The following NAALAD2 variants were observed in gnomAD, a reference collection of about 807,000 sequenced individuals.
NAALAD2 encodes the protein N-acetylated-alpha-linked acidic dipeptidase 2.
In NAALAD2, 89 loss-of-function variants were observed where a neutral mutation model predicts 95.6. That is an observed-to-expected ratio of 0.93 (90% CI 0.78 to 1.11). The LOEUF is 1.11. NAALAD2 is among the 50% of genes least tolerant of loss of function. The probability of loss-of-function intolerance (pLI) is 0.00; values close to 1 mark genes in which losing one functional copy is unlikely to be tolerated. For synonymous variants in NAALAD2, 264 were observed against 294.4 expected (o/e 0.90, Z 1.06); for missense variants, 894 against 872.4 (o/e 1.02, Z -0.31).
At chr11:90,158,375 G>A in intron 7 of NAALAD2, 137 bp downstream of exon 7, 1 of 602,738 alleles carries the variant, frequency 1.7e-6, no homozygotes. Flanking sequence ...GAATAACAGA[G>A]TATACTATCT....
At chr11:90,131,745 T>A (rs375601335), upstream of NAALAD2, 1 of 152,176 alleles carries the variant, frequency 6.6e-6, no homozygotes, top group Non-Finnish European at 1.5e-5. Flanking sequence ...GTTACAAAAC[T>A]GCTTCTGCTA....
In NAALAD2 at chr11:90,159,246, G is replaced by A; in HGVS notation, c.898G>A (p.Gly300Arg). 6.2e-7 allele frequency: 1 copy of A among 1,612,136 alleles called. No individual in the cohort carries two copies. Among genetic ancestry groups the A allele is most frequent in the South Asian group, 1.1e-5 (1 of 91,002 alleles). The change falls in exon 8 of 19, where the codon GGA becomes AGA. Residue 300 changes from glycine (G) to arginine (R), a missense_variant. Transcript: ENST00000534061. ...TTCATTTTATTTTGTCAGCTACTTG[G>A]GAGGAATTGCTCCACCAGATAAGAG... Reference protein sequence around the residue: ...NDAEILLRYLGGIAPPDKSWK... With the variant: ...NDAEILLRYLRGIAPPDKSWK...
At chr11:90,176,972 T>C (rs1952809329) in intron 15 of NAALAD2, among the ~76,000 whole-genome samples, 1 of 152,196 alleles carries the variant, frequency 6.6e-6, no homozygotes, top group South Asian at 2.1e-4. Flanking sequence ...CTTCTGTAAT[T>C]TGCTCAAAGT....
intron 16 of NAALAD2, among the ~76,000 whole-genome samples, chr11:90,179,084 G>T (rs1209105002): frequency 1.3e-5 from 2 of 152,174 alleles, no homozygotes; most frequent in Non-Finnish European, 2.9e-5. Flanking sequence ...AGATAAAAAA[G>T]AACATATCAT....
In NAALAD2 at chr11:90,148,990, T is replaced by G; in HGVS notation, c.382-16T>G. On this transcript the variant is annotated splice_polypyrimidine_tract_variant and intron_variant, in intron 3 of 18. Coordinates refer to ENST00000534061, the MANE Select transcript of NAALAD2 (RefSeq NM_005467.4). Reference sequence around the variant, plus strand: ...TCTGGAATTTTTCTAACTTGACATATTTTAATTCTTGCTAGATTTTCAAAA... The same window carrying G: ...TCTGGAATTTTTCTAACTTGACATAGTTTAATTCTTGCTAGATTTTCAAAA... 3 of 1,504,306 alleles carry G rather than the reference T, an allele frequency of 2.0e-6. No homozygotes were observed. The highest frequency in any genetic ancestry group is 2.7e-6 in the Non-Finnish European group (3 of 1,094,386). The allele number at this position is 1,504,306 out of a possible 1,614,324, so 93.2% of individuals were successfully genotyped here. A position where few individuals can be genotyped will look rare whatever the true frequency, so the allele number is the denominator to read the frequency against.
chr11:90,144,027 A>G (rs1270187298), intron 2 of NAALAD2, among the ~76,000 whole-genome samples: 1 of 152,202 alleles, frequency 6.6e-6, no homozygotes, highest in Admixed American at 6.5e-5. Context: ...TCAGATATCA[A>G]GAGATTAGTT....
intron 12 of NAALAD2, chr11:90,169,454 A>T (rs72956852): frequency 0.043 from 6,601 of 153,056 alleles, 176 homozygotes; most frequent in Middle Eastern, 0.12. Context: ...TATTGAATCT[A>T]GCTCAGGATC....
chr11:90,137,003 T>C (rs1294986880), intron 2 of NAALAD2, among the ~76,000 whole-genome samples: 1 of 152,166 alleles, frequency 6.6e-6, no homozygotes, highest in African/African-American at 2.4e-5. Context: ...ATGGTGTATA[T>C]ACAGGATGGA....
At chr11:90,132,571 A>G (rs925253245), upstream of NAALAD2, among the ~76,000 whole-genome samples, 4 of 152,186 alleles carry the variant, frequency 2.6e-5, no homozygotes, top group East Asian at 1.9e-4. Context: ...ATAACATTTG[A>G]TATTGTTTGA....
At chr11:90,155,082 A>C (rs111218995) in intron 6 of NAALAD2, among the ~76,000 whole-genome samples, 1 of 123,284 alleles carries the variant, frequency 8.1e-6, no homozygotes, top group Non-Finnish European at 1.5e-5. Context: ...ATATGTGTGT[A>C]TATATATTAT....
chr11:90,163,437 AC>A lies in NAALAD2; in HGVS notation c.1195+10del. On this transcript the variant is annotated intron_variant, in intron 10 of 18. Coordinates refer to ENST00000534061, the MANE Select transcript of NAALAD2 (RefSeq NM_005467.4). ...GAAAACTGATGAGTAAAGGTAAACA[AC>A]CTTTCTTTCCTAGGTGATGACAAAA... The A allele has an allele frequency of 1.2e-6, 2 of 1,613,894 alleles. No homozygotes were observed. Among genetic ancestry groups the A allele is most frequent in the Non-Finnish European group, 1.7e-6 (2 of 1,179,900 alleles).
At chr11:90,179,336 C>T (rs1467596057) in intron 16 of NAALAD2, among the ~76,000 whole-genome samples, 1 of 151,924 alleles carries the variant, frequency 6.6e-6, no homozygotes, top group Non-Finnish European at 1.5e-5. Context: ...GGTCATAGTC[C>T]TAAGAAAGCT....
Position 90,181,717 on chromosome 11 carries a change from C to T in NAALAD2, c.1940+16C>T, listed in dbSNP as rs1489969453. 7 of 1,384,066 alleles carry T rather than the reference C, an allele frequency of 5.1e-6. No homozygotes were observed. Among genetic ancestry groups the T allele is most frequent in the African/African-American group, 1.9e-5 (1 of 51,748 alleles). The allele number at this position is 1,384,066 out of a possible 1,614,324, so 85.7% of individuals were successfully genotyped here. On this transcript the variant is annotated intron_variant, in intron 17 of 18. Coordinates refer to ENST00000534061, the MANE Select transcript of NAALAD2 (RefSeq NM_005467.4). ...ATCTTAACAAGTAAGTTTCAAATCC[C>T]TTTTTTTTTAAAAAAAAAAAAAAAA...
intron 12 of NAALAD2, chr11:90,169,826 C>G: frequency 2.2e-6 from 1 of 456,178 alleles, no homozygotes; most frequent in South Asian, 2.7e-5. Flanking sequence ...CCCTTATAAT[C>G]ACTGTGACAG....
At chr11:90,141,482 T>C (rs1444360297) in intron 2 of NAALAD2, among the ~76,000 whole-genome samples, 1 of 152,206 alleles carries the variant, frequency 6.6e-6, no homozygotes, top group Non-Finnish European at 1.5e-5. Flanking sequence ...CAAATGCAAA[T>C]TATATTGTGT....
chr11:90,155,731 ATACATATGTATGTATTAT>A (rs1462807222), intron 6 of NAALAD2, among the ~76,000 whole-genome samples: 2 of 55,120 alleles, frequency 3.6e-5, no homozygotes, highest in Non-Finnish European at 6.7e-5. Context: ...TAATACATAC[ATACATATGTATGTATTAT>A]TACATATGTA....
At chr11:90,142,439 CTATTT>C (rs1172720354) in intron 2 of NAALAD2, among the ~76,000 whole-genome samples, 1 of 152,008 alleles carries the variant, frequency 6.6e-6, no homozygotes, top group Non-Finnish European at 1.5e-5. Context: ...CTTTTTAAGT[CTATTT>C]TATTTCATAT....
chr11:90,187,535 T>C (rs954323807), intron 18 of NAALAD2, among the ~76,000 whole-genome samples: 2 of 109,512 alleles, frequency 1.8e-5, no homozygotes, highest in East Asian at 4.7e-4. Context: ...ATGCACACTT[T>C]TTCCAATAAC....
chr11:90,135,676 T>C lies in NAALAD2; in HGVS notation c.194+6T>C, dbSNP rs1422400055. The stretch of plus-strand genomic sequence containing the variant: ...AACATCAAATCATTTCTTCGGTAAG[T>C]TTATTTTACGTATTTGATCTTAAAA... On this transcript the variant is annotated splice_donor_region_variant and intron_variant, in intron 2 of 18. Transcript: ENST00000534061. The C allele has an allele frequency of 6.2e-7, 1 of 1,601,510 alleles. No individual in the cohort carries two copies. The highest frequency in any genetic ancestry group is 1.7e-5 in the Admixed American group (1 of 59,468).
Sources: allele counts gnomAD v4.1 joint callset (sites outside exome capture counted in the v4.1 genomes callset), GRCh38; gene constraint gnomAD v4.1.1; transcripts MANE v1.5; gene names NCBI Gene and HGNC (gene_info 2026-07-23, HGNC 2026-07-21).